RHOU: variants seen among roughly 807,000 people sequenced by gnomAD.
RHOU encodes the protein rho-related GTP-binding protein RhoU.
A neutral mutation model predicts 12.6 loss-of-function variants in RHOU; 8 were observed. The observed-to-expected ratio is 0.64, with a 90% confidence interval of 0.37 to 1.15. The LOEUF (loss-of-function observed/expected upper bound fraction) is 1.15, where lower values mean the gene tolerates loss of function less well. Ranked by LOEUF, RHOU falls within the 50% of genes most tolerant of loss-of-function variation. The pLI, the probability that RHOU is intolerant of heterozygous loss-of-function variation, is 0.01. For synonymous variants in RHOU, 161 were observed against 147.4 expected (o/e 1.09, Z -0.67); for missense variants, 258 against 347.0 (o/e 0.74, Z 2.04).
At chr1:228,668,889 C>G in the RHOU span, among the ~76,000 whole-genome samples, 1 of 152,178 alleles carries the variant, frequency 6.6e-6, no homozygotes, top group Non-Finnish European at 1.5e-5. Flanking sequence ...GACTTTCTGT[C>G]CTATCGCAGA....
chr1:228,699,926 A>G, the RHOU span, among the ~76,000 whole-genome samples: 2 of 152,192 alleles, frequency 1.3e-5, no homozygotes, highest in African/African-American at 4.8e-5. Flanking sequence ...GAATATACCT[A>G]AAGTTTTTAT....
chr1:228,670,296 A>G, the RHOU span, among the ~76,000 whole-genome samples: 4 of 152,252 alleles, frequency 2.6e-5, no homozygotes, highest in African/African-American at 9.6e-5. Context: ...ATAATCATTA[A>G]GGCCACCCCC....
At chr1:228,710,882 C>T in the RHOU span, among the ~76,000 whole-genome samples, 3 of 152,120 alleles carry the variant, frequency 2.0e-5, no homozygotes, top group Non-Finnish European at 4.4e-5. Context: ...TACCTGTTTG[C>T]AGACGACATG....
At chr1:228,693,660 C>G in the RHOU span, among the ~76,000 whole-genome samples, 6 of 151,994 alleles carry the variant, frequency 3.9e-5, no homozygotes, top group Admixed American at 6.6e-5. Flanking sequence ...TAGAGACGGG[C>G]TTTCACCGTA....
the RHOU span, among the ~76,000 whole-genome samples, chr1:228,659,973 A>C: frequency 8.6e-5 from 13 of 151,398 alleles, no homozygotes; most frequent in South Asian, 2.1e-4. Context: ...AAACAAAAAA[A>C]AAAAAAAACA....
At chr1:228,651,815 G>A in the RHOU span, among the ~76,000 whole-genome samples, 1 of 152,202 alleles carries the variant, frequency 6.6e-6, no homozygotes, top group South Asian at 2.1e-4. Flanking sequence ...CAGTCTCAAT[G>A]TCTGTCTCCG....
At chr1:228,669,888 T>C in the RHOU span, among the ~76,000 whole-genome samples, 1 of 152,194 alleles carries the variant, frequency 6.6e-6, no homozygotes, top group African/African-American at 2.4e-5. Context: ...CTGAAAATCA[T>C]AAGGGTGCTG....
intron 2 of RHOU, among the ~76,000 whole-genome samples, chr1:228,742,651 T>C (rs554735652): frequency 6.6e-6 from 1 of 152,342 alleles, no homozygotes; most frequent in African/African-American, 2.4e-5. Flanking sequence ...TGAGTCACGA[T>C]GACAATGGAC....
the RHOU span, among the ~76,000 whole-genome samples, chr1:228,689,089 T>C: frequency 6.6e-6 from 1 of 152,300 alleles, no homozygotes; most frequent in East Asian, 1.9e-4. Flanking sequence ...GAAGCTGCTT[T>C]TCCCTCACTT....
chr1:228,726,858 C>G, the RHOU span, among the ~76,000 whole-genome samples: 1 of 152,064 alleles, frequency 6.6e-6, no homozygotes, highest in African/African-American at 2.4e-5. Context: ...TTGTGATCAC[C>G]TGGAAGATGA....
At chr1:228,714,447 G>A in the RHOU span, among the ~76,000 whole-genome samples, 7 of 152,142 alleles carry the variant, frequency 4.6e-5, no homozygotes, top group African/African-American at 9.6e-5. Flanking sequence ...TCTAGGTCTC[G>A]TGCATTTTGG....
At chr1:228,729,702 T>C in the RHOU span, among the ~76,000 whole-genome samples, 313 of 152,350 alleles carry the variant, frequency 2.1e-3, 1 homozygote, top group Non-Finnish European at 3.9e-3. Flanking sequence ...AGTTCACTTA[T>C]TATTGCAGCA....
At chr1:228,681,397 G>T in the RHOU span, among the ~76,000 whole-genome samples, 1 of 152,116 alleles carries the variant, frequency 6.6e-6, no homozygotes, top group Non-Finnish European at 1.5e-5. Context: ...GCAGTCTGGG[G>T]AGGAGGTGAG....
chr1:228,733,929 A>G (rs1435382300), upstream of RHOU, among the ~76,000 whole-genome samples: 1 of 151,688 alleles, frequency 6.6e-6, no homozygotes, highest in Admixed American at 6.6e-5. Flanking sequence ...CCCTGAGAGT[A>G]AGGGCCCTCT....
the RHOU span, among the ~76,000 whole-genome samples, chr1:228,649,095 C>A: frequency 6.6e-6 from 1 of 152,204 alleles, no homozygotes; most frequent in East Asian, 1.9e-4. Context: ...AAACTCCAGA[C>A]CTCGGGTGAT....
the RHOU span, among the ~76,000 whole-genome samples, chr1:228,696,319 C>T: frequency 4.7e-5 from 7 of 150,032 alleles, no homozygotes; most frequent in East Asian, 1.9e-4. Context: ...AATTTACTCA[C>T]ACTCAGTAGA....
At chr1:228,727,189 T>G in the RHOU span, among the ~76,000 whole-genome samples, 1 of 152,234 alleles carries the variant, frequency 6.6e-6, no homozygotes, top group Non-Finnish European at 1.5e-5. Context: ...TCTTCTAAAA[T>G]CAAATTCCTT....
chr1:228,698,825 G>A, the RHOU span, among the ~76,000 whole-genome samples: 1 of 152,188 alleles, frequency 6.6e-6, no homozygotes, highest in Non-Finnish European at 1.5e-5. Context: ...AGTTGTCCAT[G>A]TATAAAGTTG....
At chr1:228,734,034 T>C (rs2102713358), upstream of RHOU, among the ~76,000 whole-genome samples, 2 of 152,330 alleles carry the variant, frequency 1.3e-5, 1 homozygote, top group Middle Eastern at 6.8e-3. Context: ...ATCCTGATTC[T>C]GTATCCCATT....
Sources: allele counts gnomAD v4.1 joint callset (sites outside exome capture counted in the v4.1 genomes callset), GRCh38; gene constraint gnomAD v4.1.1; transcripts MANE v1.5; gene names NCBI Gene and HGNC (gene_info 2026-07-23, HGNC 2026-07-21).